Variants in TRPC7 observed in about 807,000 individuals in gnomAD.
The protein encoded by TRPC7 is short transient receptor potential channel 7.
In TRPC7, 42 loss-of-function variants were observed where a neutral mutation model predicts 90.1. The ratio of observed to expected loss-of-function variants is 0.47; its 90% CI spans 0.36 to 0.60. The LOEUF (loss-of-function observed/expected upper bound fraction) is 0.60. TRPC7 is among the 20% of genes least tolerant of loss of function. The pLI is 0.00. For missense variants in TRPC7, 955 were observed against 1,112.3 expected, an observed-to-expected ratio of 0.86 and a Z score of 2.01; for synonymous variants, 451 against 436.3, an observed-to-expected ratio of 1.03 and a Z score of -0.42.
At chr5:136,241,659 G>A (rs867415633) in intron 7 of TRPC7, among the ~76,000 whole-genome samples, 1 of 151,944 alleles carries the variant, frequency 6.6e-6, no homozygotes, top group African/African-American at 2.4e-5. Flanking sequence ...AGGTTCAAGT[G>A]ATTCTCCTGC....
chr5:136,323,126 T>C (rs1759247222), intron 2 of TRPC7, among the ~76,000 whole-genome samples: 1 of 152,208 alleles, frequency 6.6e-6, no homozygotes, highest in Non-Finnish European at 1.5e-5. Context: ...TGGTAGTGGA[T>C]AAGTCTTACA....
chr5:136,351,461 C>T (rs1367463490), intron 2 of TRPC7, among the ~76,000 whole-genome samples: 1 of 152,224 alleles, frequency 6.6e-6, no homozygotes. Flanking sequence ...TGGACTATAA[C>T]ATTTAAAAAT....
At chr5:136,291,625 C>A (rs1305413866) in intron 3 of TRPC7, among the ~76,000 whole-genome samples, 1 of 152,158 alleles carries the variant, frequency 6.6e-6, no homozygotes, top group Non-Finnish European at 1.5e-5. Flanking sequence ...AATACAGGAG[C>A]ACCCAGGTTC....
chr5:136,351,086 A>G (rs532316030), intron 2 of TRPC7, among the ~76,000 whole-genome samples: 17 of 152,350 alleles, frequency 1.1e-4, no homozygotes, highest in African/African-American at 4.1e-4. Flanking sequence ...TGCTATGTGA[A>G]TAGTTGTTCT....
chr5:136,325,578 G>T (rs1759320575), intron 2 of TRPC7, among the ~76,000 whole-genome samples: 1 of 152,184 alleles, frequency 6.6e-6, no homozygotes, highest in Admixed American at 6.5e-5. Flanking sequence ...CAGTAGTTCA[G>T]AAGCATATAT....
At chr5:136,361,201 A>G (rs973483969) in intron 1 of TRPC7, among the ~76,000 whole-genome samples, 18 of 152,194 alleles carry the variant, frequency 1.2e-4, no homozygotes, top group African/African-American at 2.9e-4. Context: ...CCCTTATTTT[A>G]GTATTTTTCT....
At position 136,213,279 on chromosome 5, in the gene TRPC7, TG is replaced by T; in HGVS notation, c.*155del. The T allele has an allele frequency of 1.3e-6, 1 of 755,746 alleles. No homozygotes were observed. The highest frequency in any genetic ancestry group is 2.1e-6 in the Non-Finnish European group (1 of 469,014). The allele number at this position is 755,746 out of a possible 1,614,324, so 46.8% of individuals were successfully genotyped here. A position where few individuals can be genotyped will look rare whatever the true frequency, so the allele number is the denominator to read the frequency against. ...TCTGGGTCTAGGCAGGCCAGCGGGC[TG>T]GAGATGTCAGTCATGCTGCAAGAGA... On this transcript the variant is annotated 3_prime_UTR_variant, in exon 12 of 12. Coordinates refer to ENST00000513104, the MANE Select transcript of TRPC7 (RefSeq NM_020389.3).
chr5:136,250,509 C>T (rs933261807), intron 6 of TRPC7, among the ~76,000 whole-genome samples: 1 of 152,204 alleles, frequency 6.6e-6, no homozygotes. Flanking sequence ...ATCTACTGTT[C>T]CTTCAACTTT....
Position 136,247,360 on chromosome 5 carries a change from T to G in TRPC7, c.1844+111A>C. The G allele has an allele frequency of 8.0e-7, 1 of 1,250,420 alleles. No individual in the cohort carries two copies. The highest frequency in any genetic ancestry group is 1.1e-6 in the Non-Finnish European group (1 of 914,296). 77.5% of individuals were successfully genotyped at this position (1,250,420 alleles called of 1,614,324 possible). On this transcript the variant is annotated intron_variant, in intron 7 of 11. Coordinates refer to ENST00000513104, the MANE Select transcript of TRPC7 (RefSeq NM_020389.3). This position sits in a 1 kb window ranked among gnomAD's most constrained non-coding sequence, Gnocchi z 4.2. ...CCTTGAATAAAGTTGCCTTTAACCT[T>G]GAGAGATAGCAAGGAAACAGCAGTC...
chr5:136,284,131 CT>C (rs1757634935), intron 3 of TRPC7, among the ~76,000 whole-genome samples: 1 of 152,202 alleles, frequency 6.6e-6, no homozygotes. Flanking sequence ...AACATTATTT[CT>C]GGTAAAAGGC....
intron 2 of TRPC7, among the ~76,000 whole-genome samples, chr5:136,326,120 C>T (rs1759335702): frequency 6.6e-6 from 1 of 152,244 alleles, no homozygotes; most frequent in African/African-American, 2.4e-5. Context: ...AACTTTGTAA[C>T]TGGGCCCTTG....
intron 4 of TRPC7, among the ~76,000 whole-genome samples, chr5:136,271,378 A>G (rs545771287): frequency 6.6e-6 from 1 of 152,328 alleles, no homozygotes; most frequent in South Asian, 2.1e-4. Context: ...CAGCATTTTC[A>G]TGATGCTGGC....
Position 136,226,233 on chromosome 5 carries a change from T to C in TRPC7, c.2063A>G (p.Lys688Arg). ...EIEEDADVEW[K>R]FARAKLWLSY... ...CAGCCAGAGTTTTGCTCGGGCGAAC[T>C]TCCATTCCACATCTGCATCCTCCTG... The change falls in exon 9 of 12, where the codon AAG becomes AGG. Residue 688 changes from lysine to arginine, a missense_variant. Lys to Arg is a conservative substitution (Grantham distance 26). Transcript: ENST00000513104. 1 of 1,551,686 alleles carries C rather than the reference T, an allele frequency of 6.4e-7. No homozygotes were observed. Among genetic ancestry groups the C allele is most frequent in the Non-Finnish European group, 8.7e-7 (1 of 1,146,974 alleles).
chr5:136,355,463 G>C (rs966464671), intron 2 of TRPC7, among the ~76,000 whole-genome samples: 1 of 152,208 alleles, frequency 6.6e-6, no homozygotes, highest in African/African-American at 2.4e-5. Context: ...AGATCATATA[G>C]ATAAGGTGGT....
chr5:136,283,450 T>C (rs1331372871), intron 3 of TRPC7, among the ~76,000 whole-genome samples: 1 of 152,206 alleles, frequency 6.6e-6, no homozygotes, highest in Non-Finnish European at 1.5e-5. Context: ...ATGCCTTCCA[T>C]TGTTCCACAG....
chr5:136,213,665 T>C (rs1399952931), intron 11 of TRPC7, 61 bp from the exon 12 acceptor site: 3 of 1,572,086 alleles, frequency 1.9e-6, no homozygotes, highest in South Asian at 2.3e-5. Context: ...GCTTGTCCCA[T>C]GCACATGTGG....
At chr5:136,334,723 A>G (rs925420749) in intron 2 of TRPC7, among the ~76,000 whole-genome samples, 4 of 152,250 alleles carry the variant, frequency 2.6e-5, no homozygotes, top group African/African-American at 9.6e-5. Flanking sequence ...GCAGAGAATA[A>G]CACACTACAA....
intron 1 of TRPC7, among the ~76,000 whole-genome samples, chr5:136,358,053 T>C (rs916756208): frequency 6.6e-6 from 1 of 152,220 alleles, no homozygotes; most frequent in Non-Finnish European, 1.5e-5. Context: ...CGTGTCCGTT[T>C]CTACATTCTG....
At chr5:136,292,268 C>A (rs1757985099) in intron 3 of TRPC7, among the ~76,000 whole-genome samples, 2 of 152,152 alleles carry the variant, frequency 1.3e-5, no homozygotes, top group South Asian at 2.1e-4. Flanking sequence ...CAAAAGCTAG[C>A]AGAAGGCAAG....
Sources: gnomAD v4.1 joint callset for allele counts (sites outside exome capture counted in the v4.1 genomes callset) on GRCh38, gnomAD v4.1.1 for gene constraint, Gnocchi (gnomAD v3.1) non-coding constraint, MANE v1.5 for transcripts, NCBI Gene and HGNC (gene_info 2026-07-23, HGNC 2026-07-21) for gene names.